ARHGAP21: variants seen among roughly 807,000 people sequenced by gnomAD.
ARHGAP21 encodes the protein Rho GTPase activating protein 21, also known as rho GTPase-activating protein 21.
ARHGAP21 carries 38 observed loss-of-function variants against 164.6 expected under a neutral mutation model. The observed-to-expected ratio is 0.23, with a 90% CI of 0.18 to 0.30. ARHGAP21 has a LOEUF of 0.30. Among genes scored for constraint, ARHGAP21 ranks in the 10% least tolerant of loss-of-function variants. The pLI, the probability that ARHGAP21 is intolerant of heterozygous loss-of-function variation, is 1.00. For missense variants in ARHGAP21, 1,822 were observed against 2,370.7 expected, an observed-to-expected ratio of 0.77 and a Z score of 4.81; for synonymous variants, 766 against 857.9, an observed-to-expected ratio of 0.89 and a Z score of 1.87.
chr10:24,616,880 G>A (rs1327030876), intron 9 of ARHGAP21, among the ~76,000 whole-genome samples: 6 of 151,964 alleles, frequency 3.9e-5, no homozygotes, highest in Non-Finnish European at 8.8e-5. Flanking sequence ...GTGGGGGGTG[G>A]GAACAGTAAA....
chr10:24,639,723 A>G (rs1836790847), intron 4 of ARHGAP21, among the ~76,000 whole-genome samples: 3 of 152,192 alleles, frequency 2.0e-5, no homozygotes, highest in Admixed American at 2.0e-4. Context: ...CACAAACTAT[A>G]CACCTGTCTT....
chr10:24,625,299 G>GAAAA (rs34935501), intron 7 of ARHGAP21, among the ~76,000 whole-genome samples: 3 of 53,788 alleles, frequency 5.6e-5, no homozygotes, highest in Admixed American at 2.3e-4. Context: ...ATGAAACAGA[G>GAAAA]AAAAAAAAAA....
intron 4 of ARHGAP21, among the ~76,000 whole-genome samples, chr10:24,660,433 G>T (rs10764486): frequency 0.5 from 70,968 of 142,748 alleles, 17,743 homozygotes; most frequent in Middle Eastern, 0.55. Context: ...TTCAGTGAAT[G>T]TTCCCTCCCA....
intron 21 of ARHGAP21, among the ~76,000 whole-genome samples, chr10:24,593,607 A>AATACGAAAGATATTCCATAAT (rs2076438344): frequency 6.6e-6 from 1 of 152,152 alleles, no homozygotes; most frequent in Admixed American, 6.6e-5. Flanking sequence ...TATTCCATAA[A>AATACGAAAGATATTCCATAAT]ATACCATACC....
At chr10:24,707,356 A>G (rs1033484798) in intron 2 of ARHGAP21, among the ~76,000 whole-genome samples, 6 of 152,208 alleles carry the variant, frequency 3.9e-5, no homozygotes, top group Non-Finnish European at 5.9e-5. Flanking sequence ...TATCTAATAA[A>G]TGATTAATAG....
At chr10:24,655,041 A>T (rs1438929729) in intron 4 of ARHGAP21, among the ~76,000 whole-genome samples, 1 of 152,294 alleles carries the variant, frequency 6.6e-6, no homozygotes, top group Admixed American at 6.5e-5. Flanking sequence ...ATTTAATAAA[A>T]GGTGCTGGGA....
At chr10:24,718,931 A>C (rs961678949) in intron 2 of ARHGAP21, among the ~76,000 whole-genome samples, 4 of 152,170 alleles carry the variant, frequency 2.6e-5, no homozygotes, top group Non-Finnish European at 4.4e-5. Context: ...AAGCTGAGGG[A>C]AAGTTTTCTC....
At chr10:24,617,161 T>C (rs1378847381) in intron 9 of ARHGAP21, among the ~76,000 whole-genome samples, 2 of 152,200 alleles carry the variant, frequency 1.3e-5, no homozygotes, top group Non-Finnish European at 2.9e-5. Context: ...TACATCAATC[T>C]ATATGTATAT....
At chr10:24,586,885 A>G (rs151281260) in intron 25 of ARHGAP21, among the ~76,000 whole-genome samples, 63 of 152,134 alleles carry the variant, frequency 4.1e-4, no homozygotes, top group African/African-American at 1.3e-3. Context: ...CTGTCTCTAC[A>G]AAAAATTAAG....
Position 24,610,377 on chromosome 10 carries a change from A to C in ARHGAP21, c.2423-2474T>G, listed in dbSNP as rs1295333877. ...GACAACAGAGGACTCTGTCACAAAA[A>C]AAAAAAAAAAAAGTCTTCATTTACT... On this transcript the variant is annotated intron_variant, in intron 9 of 25. Transcript: ENST00000396432. Among the ~76,000 whole-genome samples the C allele has an allele frequency of 4.1e-3, 629 of 151,846 alleles. 5 individuals carry two copies. Among genetic ancestry groups the C allele is most frequent in the Middle Eastern group, 0.027 (8 of 292 alleles).
rs116729807 is a variant in ARHGAP21, at chr10:24,692,554, A to G, written c.64-22157T>C. On this transcript the variant is annotated intron_variant, in intron 2 of 25. Coordinates refer to ENST00000396432, the MANE Select transcript of ARHGAP21 (RefSeq NM_020824.4). Reference sequence around the variant, plus strand: ...CCATTAAGAGTAGAATGGATAGACCAGACTCCATGGCTCACGCATATAATC... The same window carrying G: ...CCATTAAGAGTAGAATGGATAGACCGGACTCCATGGCTCACGCATATAATC... Among the ~76,000 whole-genome samples the G allele has an allele frequency of 1.6e-3, 237 of 152,350 alleles. 1 individual carries two copies. The highest frequency in any genetic ancestry group is 5.4e-3 in the African/African-American group (225 of 41,588).
intron 4 of ARHGAP21, among the ~76,000 whole-genome samples, chr10:24,638,968 G>A (rs1042478850): frequency 6.6e-6 from 1 of 152,014 alleles, no homozygotes; most frequent in African/African-American, 2.4e-5. Flanking sequence ...ATACACATAC[G>A]TCTACAATGA....
At chr10:24,710,834 G>A (rs1436296100) in intron 2 of ARHGAP21, among the ~76,000 whole-genome samples, 10 of 152,044 alleles carry the variant, frequency 6.6e-5, no homozygotes, top group East Asian at 5.8e-4. Context: ...GGTGACTCCC[G>A]CCTTTAATCC....
chr10:24,659,239 T>G (rs539405416), intron 4 of ARHGAP21, among the ~76,000 whole-genome samples: 1 of 152,358 alleles, frequency 6.6e-6, no homozygotes, highest in South Asian at 2.1e-4. Context: ...TGTGCATGCA[T>G]GTTCACAGCA....
At chr10:24,686,390 C>G (rs1222916212) in intron 2 of ARHGAP21, among the ~76,000 whole-genome samples, 2 of 152,034 alleles carry the variant, frequency 1.3e-5, no homozygotes, top group East Asian at 3.9e-4. Context: ...GATGGCGCCA[C>G]ACACTCCAGC....
At chr10:24,625,142 A>C (rs2131252687) in intron 7 of ARHGAP21, among the ~76,000 whole-genome samples, 1 of 149,224 alleles carries the variant, frequency 6.7e-6, no homozygotes, top group South Asian at 2.2e-4. Flanking sequence ...CAGTATGTTA[A>C]ATACAACTTA....
chr10:24,635,145 C>A, intron 4 of ARHGAP21, 42 bp from the exon 5 acceptor site: 2 of 1,316,802 alleles, frequency 1.5e-6, no homozygotes, highest in African/African-American at 1.5e-5. Context: ...CTTCACAATA[C>A]TTTACTAAAA....
intron 5 of ARHGAP21, among the ~76,000 whole-genome samples, chr10:24,634,177 T>C (rs138917383): frequency 6.6e-6 from 1 of 152,050 alleles, no homozygotes; most frequent in African/African-American, 2.4e-5. Flanking sequence ...AAATCCCACA[T>C]GCATACTAAT....
intron 9 of ARHGAP21, among the ~76,000 whole-genome samples, chr10:24,617,160 CT>C (rs1834030564): frequency 6.6e-6 from 1 of 152,082 alleles, no homozygotes; most frequent in Non-Finnish European, 1.5e-5. Flanking sequence ...TTACATCAAT[CT>C]ATATGTATAT....
Sources: allele counts gnomAD v4.1 joint callset (sites outside exome capture counted in the v4.1 genomes callset), GRCh38; gene constraint gnomAD v4.1.1; transcripts MANE v1.5; gene names NCBI Gene and HGNC (gene_info 2026-07-23, HGNC 2026-07-21).